Variants in DOCK2 observed in about 807,000 individuals in gnomAD.
DOCK2 encodes the protein dedicator of cytokinesis protein 2.
Under a neutral mutation model 248.9 loss-of-function variants are expected in DOCK2, and 87 were observed. The ratio of observed to expected loss-of-function variants is 0.35; its 90% CI spans 0.29 to 0.42. The LOEUF (loss-of-function observed/expected upper bound fraction) is 0.42. DOCK2 is among the 10% of genes least tolerant of loss of function. The pLI, the probability that DOCK2 is intolerant of heterozygous loss-of-function variation, is 1.00. For missense variants in DOCK2, 1,747 were observed against 2,300.2 expected, an observed-to-expected ratio of 0.76 and a Z score of 4.92; for synonymous variants, 805 against 821.6, an observed-to-expected ratio of 0.98 and a Z score of 0.35.
intron 26 of DOCK2, among the ~76,000 whole-genome samples, chr5:169,807,222 A>G (rs2113157971): frequency 6.6e-6 from 1 of 152,280 alleles, no homozygotes; most frequent in South Asian, 2.1e-4. Flanking sequence ...GCTAACTGTC[A>G]GCCAGCATGA....
chr5:169,900,508 ATCT>A (rs1246784502), intron 27 of DOCK2, among the ~76,000 whole-genome samples: 1 of 152,148 alleles, frequency 6.6e-6, no homozygotes, highest in Non-Finnish European at 1.5e-5. Context: ...GGCCAAACAG[ATCT>A]TCTGGAGTGA....
At chr5:169,847,921 G>A (rs1228603616) in intron 27 of DOCK2, among the ~76,000 whole-genome samples, 2 of 152,174 alleles carry the variant, frequency 1.3e-5, no homozygotes, top group Non-Finnish European at 2.9e-5. Context: ...AAAAACTCTT[G>A]TATAAACAAG....
In DOCK2 at chr5:169,684,317, C is replaced by T. The variant is rs1305477627; in HGVS notation, c.728C>T (p.Ser243Phe). 6.2e-7 allele frequency: 1 copy of T among 1,614,062 alleles called. No homozygotes were observed. The highest frequency in any genetic ancestry group is 1.3e-5 in the African/African-American group (1 of 74,932). ...RIGEDAELFM[S>F]LYDPNKQTVI... ...GGGGAAGATGCTGAGCTCTTCATGTCTCTCTACGACCCCAACAAGCAAACG... is the reference window on the plus strand; with the variant it reads ...GGGGAAGATGCTGAGCTCTTCATGTTTCTCTACGACCCCAACAAGCAAACG... Residue 243 changes from serine (S) to phenylalanine (F), a missense_variant, in exon 8 of 52, where the codon TCT becomes TTT. Coordinates refer to ENST00000520908, the MANE Select transcript of DOCK2 (RefSeq NM_004946.3).
chr5:169,785,871 T>G lies in DOCK2; in HGVS notation c.2555-17187T>G, dbSNP rs1680570. Among the ~76,000 whole-genome samples the G allele has an allele frequency of 8.5e-3, 1,299 of 152,238 alleles. 22 individuals carry two copies. Among genetic ancestry groups the G allele is most frequent in the African/African-American group, 0.03 (1,230 of 41,536 alleles). On this transcript the variant is annotated intron_variant, in intron 25 of 51. Coordinates refer to ENST00000520908, the MANE Select transcript of DOCK2 (RefSeq NM_004946.3). ...GAAAATTTATTCTCATTTAGAGGAA[T>G]CTGGTGACAAAAAAAAGAAGGCGGA... is the stretch of plus-strand genomic sequence containing the variant.
intron 25 of DOCK2, among the ~76,000 whole-genome samples, chr5:169,788,436 C>T (rs922539661): frequency 6.6e-6 from 1 of 152,176 alleles, no homozygotes; most frequent in African/African-American, 2.4e-5. Flanking sequence ...GCTAAGATTT[C>T]ACAATTTGAG....
At chr5:169,995,029 ATTTTT>A (rs11321220) in intron 29 of DOCK2, among the ~76,000 whole-genome samples, 19 of 140,520 alleles carry the variant, frequency 1.4e-4, no homozygotes, top group African/African-American at 5.0e-4. Context: ...GTTATTTTTT[ATTTTT>A]TTTTTTTTTT....
At chr5:169,874,290 A>G (rs1189770681) in intron 27 of DOCK2, among the ~76,000 whole-genome samples, 1 of 151,516 alleles carries the variant, frequency 6.6e-6, no homozygotes, top group African/African-American at 2.4e-5. Flanking sequence ...GCGGGCACCT[A>G]TAATCCCAGC....
chr5:169,973,719 G>A (rs1326188385), intron 27 of DOCK2, among the ~76,000 whole-genome samples: 1 of 152,176 alleles, frequency 6.6e-6, no homozygotes, highest in East Asian at 1.9e-4. Context: ...CAAATCCCAA[G>A]TAATGCAGAA....
intron 27 of DOCK2, among the ~76,000 whole-genome samples, chr5:169,881,944 T>G (rs1054222046): frequency 1.3e-5 from 2 of 152,238 alleles, no homozygotes; most frequent in Non-Finnish European, 2.9e-5. Flanking sequence ...AACTGCCTTT[T>G]CCTCCTATAC....
At chr5:169,811,361 C>T (rs1299077799) in intron 26 of DOCK2, among the ~76,000 whole-genome samples, 2 of 152,184 alleles carry the variant, frequency 1.3e-5, no homozygotes, top group Non-Finnish European at 2.9e-5. Context: ...GAATCAATAC[C>T]ACCCTGCAAG....
intron 44 of DOCK2, among the ~76,000 whole-genome samples, chr5:170,065,921 A>G (rs1757473469): frequency 6.6e-6 from 1 of 151,594 alleles, no homozygotes; most frequent in African/African-American, 2.4e-5. Context: ...AAGTGAAGGG[A>G]TGGAAAAATA....
intron 27 of DOCK2, among the ~76,000 whole-genome samples, chr5:169,945,488 A>G (rs1014270129): frequency 6.6e-6 from 1 of 152,258 alleles, no homozygotes; most frequent in African/African-American, 2.4e-5. Context: ...ACAGTGCCAA[A>G]CACTTTGTAT....
chr5:169,802,235 C>G (rs1767043302), intron 25 of DOCK2, among the ~76,000 whole-genome samples: 1 of 152,172 alleles, frequency 6.6e-6, no homozygotes, highest in Non-Finnish European at 1.5e-5. Context: ...CATCTCAGCT[C>G]ACTGCAACCT....
intron 27 of DOCK2, among the ~76,000 whole-genome samples, chr5:169,928,483 A>G (rs1207114716): frequency 6.6e-6 from 1 of 152,214 alleles, no homozygotes; most frequent in African/African-American, 2.4e-5. Context: ...TTCCCCATGC[A>G]TCAGTGCTGC....
Position 169,714,196 on chromosome 5 carries a change from A to T in DOCK2, c.1828A>T (p.Lys610Ter). 6.2e-7 allele frequency: 1 copy of T among 1,609,622 alleles called. No homozygotes were observed. The highest frequency in any genetic ancestry group is 8.5e-7 in the Non-Finnish European group (1 of 1,177,002). Residue 610 changes from lysine to a stop codon, truncating the protein, a stop_gained, in exon 18 of 52, where the codon AAG becomes TAG. Transcript: ENST00000520908. LOFTEE classifies it high-confidence loss of function. ...FSISTLVCST[K>*]LTQNVGLLGL... ...CATTTCCACCCTGGTGTGCTCCACA[A>T]AGCTCACTCAGAATGGTAATCGGGT... is the stretch of plus-strand genomic sequence containing the variant.
intron 27 of DOCK2, among the ~76,000 whole-genome samples, chr5:169,879,871 C>T (rs929931052): frequency 6.6e-6 from 1 of 152,026 alleles, no homozygotes; most frequent in Non-Finnish European, 1.5e-5. Context: ...CTTATATAGG[C>T]CAAATATAAA....
At chr5:169,721,327 G>T (rs903075474) in intron 22 of DOCK2, among the ~76,000 whole-genome samples, 1 of 152,202 alleles carries the variant, frequency 6.6e-6, no homozygotes, top group African/African-American at 2.4e-5. Flanking sequence ...CCTTCCTCAT[G>T]AACAGAAATG....
At chr5:169,868,089 A>G (rs1771714742) in intron 27 of DOCK2, among the ~76,000 whole-genome samples, 1 of 152,158 alleles carries the variant, frequency 6.6e-6, no homozygotes. Context: ...TACCCCCTCT[A>G]AGATTTTAGG....
intron 27 of DOCK2, among the ~76,000 whole-genome samples, chr5:169,913,997 C>G (rs1464755223): frequency 6.6e-6 from 1 of 152,202 alleles, no homozygotes; most frequent in Non-Finnish European, 1.5e-5. Context: ...CCATATCACA[C>G]AGCAGTTTAC....
Sources: allele counts gnomAD v4.1 joint callset (sites outside exome capture counted in the v4.1 genomes callset), GRCh38; gene constraint gnomAD v4.1.1; transcripts MANE v1.5; gene names NCBI Gene and HGNC (gene_info 2026-07-23, HGNC 2026-07-21).